GHR: variants seen among roughly 807,000 people sequenced by gnomAD.
GHR encodes the protein growth hormone receptor.
In GHR, 35 loss-of-function variants were observed where a neutral mutation model predicts 67.1. That is an observed-to-expected ratio of 0.52 (90% CI 0.40 to 0.69). The LOEUF (loss-of-function observed/expected upper bound fraction) is 0.69, where lower values mean the gene tolerates loss of function less well. GHR is among the 30% of genes least tolerant of loss of function. The probability of loss-of-function intolerance (pLI) is 0.00; values close to 1 mark genes in which losing one functional copy is unlikely to be tolerated. For missense variants in GHR, 792 were observed against 764.6 expected (o/e 1.04, Z -0.42); for synonymous variants, 272 against 269.1 (o/e 1.01, Z -0.10).
At chr5:42,711,939 A>C (rs1758480408) in intron 7 of GHR, among the ~76,000 whole-genome samples, 1 of 152,016 alleles carries the variant, frequency 6.6e-6, no homozygotes, top group African/African-American at 2.4e-5. Flanking sequence ...ACATTTGAAA[A>C]CCCTATGTAG....
At chr5:42,705,610 G>A (rs759407315) in intron 6 of GHR, among the ~76,000 whole-genome samples, 6 of 152,032 alleles carry the variant, frequency 3.9e-5, no homozygotes, top group Admixed American at 6.6e-5. Flanking sequence ...TCGTGTCCAT[G>A]TGTTCTCAAT....
intron 2 of GHR, among the ~76,000 whole-genome samples, chr5:42,622,938 G>A (rs1340769052): frequency 6.6e-6 from 1 of 152,096 alleles, no homozygotes; most frequent in Non-Finnish European, 1.5e-5. Flanking sequence ...GGCCTAAATG[G>A]TCTAGCTGGG....
chr5:42,425,445 T>A (rs1283042920), intron 1 of GHR, among the ~76,000 whole-genome samples: 1 of 152,218 alleles, frequency 6.6e-6, no homozygotes, highest in East Asian at 1.9e-4. Context: ...TCCACCTGAA[T>A]CACCCTAGAA....
intron 2 of GHR, among the ~76,000 whole-genome samples, chr5:42,622,984 C>T (rs1383099969): frequency 6.6e-6 from 1 of 152,114 alleles, no homozygotes; most frequent in Non-Finnish European, 1.5e-5. Flanking sequence ...TCAGCAAAAC[C>T]CTAAGTGCAC....
intron 3 of GHR, among the ~76,000 whole-genome samples, chr5:42,670,924 C>T (rs941627288): frequency 6.9e-6 from 1 of 145,766 alleles, no homozygotes; most frequent in Non-Finnish European, 1.5e-5. Context: ...AGACATTTCT[C>T]AAAAGAAGCA....
intron 1 of GHR, among the ~76,000 whole-genome samples, chr5:42,512,867 C>G (rs1178327480): frequency 1.3e-5 from 2 of 150,836 alleles, no homozygotes; most frequent in Admixed American, 1.3e-4. Flanking sequence ...CATTTCCCTT[C>G]TACCAGATCT....
chr5:42,517,419 C>T (rs1377609015), intron 1 of GHR, among the ~76,000 whole-genome samples: 1 of 152,154 alleles, frequency 6.6e-6, no homozygotes, highest in Non-Finnish European at 1.5e-5. Context: ...GTACCTATCC[C>T]ATGGTAGGCA....
chr5:42,575,938 G>A (rs1750640122), intron 2 of GHR, among the ~76,000 whole-genome samples: 1 of 151,446 alleles, frequency 6.6e-6, no homozygotes. Context: ...GGAGGCTGAG[G>A]CAGGGGAATT....
intron 2 of GHR, among the ~76,000 whole-genome samples, chr5:42,626,065 G>A (rs1016995661): frequency 6.6e-6 from 1 of 152,144 alleles, no homozygotes; most frequent in Non-Finnish European, 1.5e-5. Context: ...CCTTAGGTAG[G>A]AATTTGGGCA....
At chr5:42,498,211 T>G (rs1746399085) in intron 1 of GHR, among the ~76,000 whole-genome samples, 1 of 152,190 alleles carries the variant, frequency 6.6e-6, no homozygotes, top group African/African-American at 2.4e-5. Context: ...AGAGCCTTGT[T>G]TACTCAGTTC....
intron 1 of GHR, among the ~76,000 whole-genome samples, chr5:42,474,241 G>C (rs4866925): frequency 7.4e-6 from 1 of 135,060 alleles, no homozygotes; most frequent in African/African-American, 2.9e-5. Context: ...AAGAAAGAAA[G>C]AGAGAGAAAG....
chr5:42,705,929 C>T (rs1758155095), intron 6 of GHR, among the ~76,000 whole-genome samples: 1 of 152,106 alleles, frequency 6.6e-6, no homozygotes, highest in Admixed American at 6.6e-5. Flanking sequence ...ACTGCTGGGT[C>T]AAATGACAAT....
intron 8 of GHR, among the ~76,000 whole-genome samples, chr5:42,716,013 C>T (rs1014383952): frequency 6.6e-6 from 1 of 152,142 alleles, no homozygotes; most frequent in Non-Finnish European, 1.5e-5. Flanking sequence ...AAACCACTAG[C>T]GCATGCCTGA....
Position 42,430,060 on chromosome 5 carries a change from A to G in GHR, c.-12+6105A>G, listed in dbSNP as rs1010861487. On this transcript the variant is annotated intron_variant, in intron 1 of 9. Transcript: ENST00000230882. Reference sequence around the variant, plus strand: ...TTCTCAGGAGGTAAATGGCTTGCCAATGCCACAGGAAAGTCTAAAGTGTTC... The same window carrying G: ...TTCTCAGGAGGTAAATGGCTTGCCAGTGCCACAGGAAAGTCTAAAGTGTTC... 2.0e-5 allele frequency among the ~76,000 whole-genome samples: 3 copies of G among 152,334 alleles called. No homozygotes were observed. The East Asian group carries it at 5.8e-4, about 29-fold the overall frequency.
At chr5:42,466,037 C>A in intron 1 of GHR, 1 of 480,724 alleles carries the variant, frequency 2.1e-6, no homozygotes, top group Non-Finnish European at 3.8e-6. Flanking sequence ...TTCCTCTAGG[C>A]AAGCTTTATT....
At chr5:42,593,757 A>G (rs1463203196) in intron 2 of GHR, among the ~76,000 whole-genome samples, 1 of 152,136 alleles carries the variant, frequency 6.6e-6, no homozygotes, top group African/African-American at 2.4e-5. Flanking sequence ...TCCAAACCTA[A>G]CTTCCTCATT....
At chr5:42,532,488 C>T (rs981295896) in intron 1 of GHR, among the ~76,000 whole-genome samples, 3 of 152,034 alleles carry the variant, frequency 2.0e-5, no homozygotes, top group African/African-American at 4.8e-5. Context: ...AGCTGTTATT[C>T]GTAAAGAAAC....
intron 1 of GHR, among the ~76,000 whole-genome samples, chr5:42,470,901 A>G (rs1744984380): frequency 6.6e-6 from 1 of 152,088 alleles, no homozygotes; most frequent in African/African-American, 2.4e-5. Context: ...TTATTACTCC[A>G]TGTCCTTGAG....
chr5:42,439,140 T>A (rs1743459053), intron 1 of GHR, among the ~76,000 whole-genome samples: 1 of 152,182 alleles, frequency 6.6e-6, no homozygotes, highest in Admixed American at 6.5e-5. Flanking sequence ...ATCTCTAGGA[T>A]TGAGGATTTT....
Sources: allele counts gnomAD v4.1 joint callset (sites outside exome capture counted in the v4.1 genomes callset), GRCh38; gene constraint gnomAD v4.1.1; transcripts MANE v1.5; gene names NCBI Gene and HGNC (gene_info 2026-07-23, HGNC 2026-07-21).